Variants in PSME1 observed in about 807,000 individuals in gnomAD.
The protein encoded by PSME1 is proteasome activator subunit 1.
In PSME1, 15 loss-of-function variants were observed where a neutral mutation model predicts 38.4. That is an observed-to-expected ratio of 0.39 (90% confidence interval 0.26 to 0.60). The LOEUF (loss-of-function observed/expected upper bound fraction) is 0.60. PSME1 is among the 20% of genes least tolerant of loss of function. PSME1 has a pLI of 0.53. For missense variants in PSME1, 249 were observed against 305.6 expected, an observed-to-expected ratio of 0.81 and a Z score of 1.38; for synonymous variants, 106 against 106.8, an observed-to-expected ratio of 0.99 and a Z score of 0.05.
Position 24,137,162 on chromosome 14 carries a change from G to T in PSME1, c.92G>T (p.Ser31Ile). 2 of 1,614,202 alleles carry T rather than the reference G, an allele frequency of 1.2e-6. No homozygotes were observed. The highest frequency in any genetic ancestry group is 8.5e-7 in the Non-Finnish European group (1 of 1,180,038). The change falls in exon 3 of 11, where the codon AGC becomes ATC. Residue 31 changes from serine to isoleucine, a missense_variant. Coordinates refer to ENST00000206451, the MANE Select transcript of PSME1 (RefSeq NM_006263.4). ...ACACAGACAGAGAACCTGCTCGGGA[G>T]CTATTTCCCCAAGAAGATTTCTGAG... ...LCTKTENLLG[S>I]YFPKKISELD...
chr14:24,138,015 G>A (rs2037943084), intron 6 of PSME1, 34 bp from the exon 7 acceptor site: 1 of 1,609,646 alleles, frequency 6.2e-7, no homozygotes. Context: ...TGGGTAGAGG[G>A]CTGATGTGGC....
chr14:24,138,081 G>C lies in PSME1; in HGVS notation c.423G>C (p.Arg141=). Residue 141 remains arginine, a synonymous_variant, in exon 7 of 11, where the codon CGG becomes CGC. Transcript: ENST00000206451. ...CCTGGTTGCAGCTGCAGATACCTCGGATTGAGGATGGTAACAATTTTGGAG... is the reference window on the plus strand; with the variant it reads ...CCTGGTTGCAGCTGCAGATACCTCGCATTGAGGATGGTAACAATTTTGGAG... The part of the protein sequence containing the change: ...VTTWLQLQIP[R]IEDGNNFGVA... The C allele has an allele frequency of 6.2e-7, 1 of 1,614,246 alleles. No homozygotes were observed. Among genetic ancestry groups the C allele is most frequent in the Non-Finnish European group, 8.5e-7 (1 of 1,180,036 alleles).
chr14:24,138,796 A>G lies in PSME1; in HGVS notation c.730A>G (p.Thr244Ala). Residue 244 changes from threonine (T) to alanine (A), a missense_variant, in exon 11 of 11, where the codon ACA (threonine) becomes GCA (alanine). Physicochemically the swap from Thr to Ala is moderately conservative, Grantham distance 58 (BLOSUM62 0). Coordinates refer to ENST00000206451, the MANE Select transcript of PSME1 (RefSeq NM_006263.4). ...GAAGCTCAAGAAGCCCAGGGGAGAA[A>G]CAAAGGGAATGATCTATTGAGAGCC... Reference protein sequence around the residue: ...FEKLKKPRGETKGMIY With the variant: ...FEKLKKPRGEAKGMIY 1 of 1,614,156 alleles carries G rather than the reference A, an allele frequency of 6.2e-7. No individual in the cohort carries two copies. The highest frequency in any genetic ancestry group is 8.5e-7 in the Non-Finnish European group (1 of 1,179,986).
rs1344308391 is a variant in PSME1 at position 24,138,518 on chromosome 14, C to T, written c.627C>T (p.Tyr209=). ...QLVHELDEAE[Y]RDIRLMVMEI... ...TGCACGAGCTGGATGAGGCAGAGTA[C>T]CGGGACATCCGGCTGATGGTCATGG... Residue 209 remains tyrosine (Y), a synonymous_variant, in exon 10 of 11, where the codon TAC becomes TAT. Transcript: ENST00000206451. 6.2e-7 allele frequency: 1 copy of T among 1,613,988 alleles called. No homozygotes were observed. The highest frequency in any genetic ancestry group is 1.7e-5 in the Admixed American group (1 of 60,018).
At chr14:24,138,019 A>T (rs547542423) in intron 6 of PSME1, 30 bp from the exon 7 acceptor site, 1 of 1,610,366 alleles carries the variant, frequency 6.2e-7, no homozygotes, top group Non-Finnish European at 8.5e-7. Flanking sequence ...TAGAGGGCTG[A>T]TGTGGCATTA....
At position 24,136,196 on chromosome 14, in the gene PSME1, C is replaced by A. The variant is rs921652235; in HGVS notation, c.-67C>A. The A allele has an allele frequency of 1.9e-5, 28 of 1,487,876 alleles. No individual in the cohort carries two copies. The African/African-American group carries it at 3.5e-4, about 19-fold the overall frequency. The allele number at this position is 1,487,876 out of a possible 1,614,324, so 92.2% of individuals were successfully genotyped here. Reference sequence around the variant, plus strand: ...GCGGAGCTGGGTGCGAGCGCCCTACCGCTTTCGCTTTCCCTTCGCGGTGCC... The same window carrying A: ...GCGGAGCTGGGTGCGAGCGCCCTACAGCTTTCGCTTTCCCTTCGCGGTGCC... On this transcript the variant is annotated 5_prime_UTR_variant, in exon 1 of 11. Coordinates refer to ENST00000206451, the MANE Select transcript of PSME1 (RefSeq NM_006263.4). The surrounding 1 kb of genome is among the most constrained non-coding windows in gnomAD (Gnocchi z 4.8).
At chr14:24,137,853 C>A in intron 6 of PSME1, 56 bp downstream of exon 6, 1 of 1,582,882 alleles carries the variant, frequency 6.3e-7, no homozygotes, top group South Asian at 1.1e-5. Flanking sequence ...TCCTCTTGGT[C>A]CCTGCCATTT....
rs992057837 is a variant in PSME1 at position 24,138,181 on chromosome 14, G to T, written c.460-15G>T. On this transcript the variant is annotated splice_polypyrimidine_tract_variant and intron_variant, in intron 7 of 10. Transcript: ENST00000206451. ...CATGCTTCCTTCCACTTTCCCCCTT[G>T]CTTTTTTTCCCTAGGAGAAGGTGTT... 3 of 1,614,012 alleles carry T rather than the reference G, an allele frequency of 1.9e-6. No individual in the cohort carries two copies. Among genetic ancestry groups the T allele is most frequent in the Non-Finnish European group, 2.5e-6 (3 of 1,180,010 alleles).
rs1594353322 is a variant in PSME1 at position 24,136,368 on chromosome 14, C to T, written c.39+67C>T. ...TGGCTGGAGCGGCCGGGGGCATCCCCGACCCGCCCCCCAGGCTCCCACGCG... is the reference window on the plus strand; with the variant it reads ...TGGCTGGAGCGGCCGGGGGCATCCCTGACCCGCCCCCCAGGCTCCCACGCG... On this transcript the variant is annotated intron_variant, in intron 1 of 10. Coordinates refer to ENST00000206451, the MANE Select transcript of PSME1 (RefSeq NM_006263.4). The surrounding 1 kb of genome is among the most constrained non-coding windows in gnomAD (Gnocchi z 4.8). 7.1e-7 allele frequency: 1 copy of T among 1,413,824 alleles called. No individual in the cohort carries two copies. Among genetic ancestry groups the T allele is most frequent in the South Asian group, 1.4e-5 (1 of 71,614 alleles). 87.6% of individuals were successfully genotyped at this position (1,413,824 alleles called of 1,614,324 possible). A position where few individuals can be genotyped will look rare whatever the true frequency, so the allele number is the denominator to read the frequency against.
chr14:24,137,883 G>A (rs2037939353), intron 6 of PSME1, 86 bp downstream of exon 6: 1 of 1,535,938 alleles, frequency 6.5e-7, no homozygotes, highest in Admixed American at 1.7e-5. Context: ...CACTTGCCAG[G>A]TTTTAGCAAG....
chr14:24,137,299 CCCT>C lies in PSME1; in HGVS notation c.136-16_136-14del. On this transcript the variant is annotated intron_variant, in intron 3 of 10. Coordinates refer to ENST00000206451, the MANE Select transcript of PSME1 (RefSeq NM_006263.4). ...GTGAGAGGAACTCCCTCACCTCCAG[CCCT>C]CCTCCCACCCTACACCAGGAGCCAG... 1 of 1,612,668 alleles carries C rather than the reference CCCT, an allele frequency of 6.2e-7. No individual in the cohort carries two copies. Among genetic ancestry groups the C allele is most frequent in the Non-Finnish European group, 8.5e-7 (1 of 1,178,782 alleles).
Position 24,136,993 on chromosome 14 carries a change from G to A in PSME1, c.48G>A (p.Val16=), listed in dbSNP as rs765808741. ...VQPEAQAKVD[V]FREDLCTKTE... ...ATGCGTGTGCCCCACAGGTGGATGT[G>A]TTTCGTGAAGACCTCTGTACCAAGG... Residue 16 remains valine (V), a synonymous_variant, in exon 2 of 11, where the codon GTG becomes GTA. Coordinates refer to ENST00000206451, the MANE Select transcript of PSME1 (RefSeq NM_006263.4). The surrounding 1 kb of genome is among the most constrained non-coding windows in gnomAD (Gnocchi z 4.8). The A allele has an allele frequency of 6.2e-7, 1 of 1,614,072 alleles. No homozygotes were observed. Among genetic ancestry groups the A allele is most frequent in the South Asian group, 1.1e-5 (1 of 91,092 alleles).
rs370856247 is a variant in PSME1 at position 24,138,447 on chromosome 14, G to C, written c.583-27G>C. On this transcript the variant is annotated intron_variant, in intron 9 of 10. Transcript: ENST00000206451. ...TGCATGGGGGAAGGACACATGTAAG[G>C]TCAGGCCTGACCCGAGCTTCCCACA... 3.6e-5 allele frequency: 58 copies of C among 1,614,038 alleles called. No homozygotes were observed. The African/African-American group carries it at 7.5e-4, about 21-fold the overall frequency.
In PSME1 at chr14:24,136,815, C is replaced by A; in HGVS notation, c.40-170C>A. 2.7e-6 allele frequency: 2 copies of A among 740,162 alleles called. No individual in the cohort carries two copies. Among genetic ancestry groups the A allele is most frequent in the Non-Finnish European group, 4.7e-6 (2 of 423,068 alleles). 45.8% of individuals were successfully genotyped at this position (740,162 alleles called of 1,614,324 possible). On this transcript the variant is annotated intron_variant, in intron 1 of 10. Transcript: ENST00000206451. The surrounding 1 kb of genome is among the most constrained non-coding windows in gnomAD (Gnocchi z 4.8). ...CCAGGTCTGCAGAGATCCACCTTCT[C>A]CACCACCCCAACCCACCCTACAGGC... is the stretch of plus-strand genomic sequence containing the variant.
Position 24,138,178 on chromosome 14 carries a change from C to G in PSME1, c.460-18C>G. The G allele has an allele frequency of 6.2e-7, 1 of 1,614,180 alleles. No individual in the cohort carries two copies. Among genetic ancestry groups the G allele is most frequent in the Non-Finnish European group, 8.5e-7 (1 of 1,180,006 alleles). The stretch of plus-strand genomic sequence containing the variant: ...GTCCATGCTTCCTTCCACTTTCCCC[C>G]TTGCTTTTTTTCCCTAGGAGAAGGT... On this transcript the variant is annotated intron_variant, in intron 7 of 10. Coordinates refer to ENST00000206451, the MANE Select transcript of PSME1 (RefSeq NM_006263.4).
chr14:24,138,168 C>G (rs780475741), intron 7 of PSME1, 28 bp from the exon 8 acceptor site: 46 of 1,614,032 alleles, frequency 2.9e-5, no homozygotes, highest in Non-Finnish European at 3.9e-5. Context: ...TGCTTCCTTC[C>G]ACTTTCCCCC....
At chr14:24,137,972 G>C in intron 6 of PSME1, 77 bp from the exon 7 acceptor site, 1 of 1,567,332 alleles carries the variant, frequency 6.4e-7, no homozygotes, top group Non-Finnish European at 8.8e-7. Flanking sequence ...CCAGTGTGGG[G>C]AGGGAAGCAA....
chr14:24,137,811 C>G lies in PSME1; in HGVS notation c.390+14C>G, dbSNP rs768794398. The stretch of plus-strand genomic sequence containing the variant: ...CAGCTCAACCTGGTAAGCCCTCCCC[C>G]TTAAACTCTCAGGCTTCAAGTCAAA... On this transcript the variant is annotated intron_variant, in intron 6 of 10. Coordinates refer to ENST00000206451, the MANE Select transcript of PSME1 (RefSeq NM_006263.4). 15 of 1,610,986 alleles carry G rather than the reference C, an allele frequency of 9.3e-6. No homozygotes were observed. Among genetic ancestry groups the G allele is most frequent in the African/African-American group, 2.7e-5 (2 of 74,884 alleles).
intron 6 of PSME1, 86 bp from the exon 7 acceptor site, chr14:24,137,963 C>T (rs978252727): frequency 6.5e-7 from 1 of 1,547,036 alleles, no homozygotes; most frequent in Non-Finnish European, 8.9e-7. Flanking sequence ...CGCCTCCACC[C>T]AGTGTGGGGA....
Sources: gnomAD v4.1 joint callset for allele counts on GRCh38, gnomAD v4.1.1 for gene constraint, Gnocchi (gnomAD v3.1) non-coding constraint, MANE v1.5 for transcripts, NCBI Gene and HGNC (gene_info 2026-07-23, HGNC 2026-07-21) for gene names.